Variants in MAST4 observed in about 807,000 individuals in gnomAD.
MAST4 encodes microtubule-associated serine/threonine-protein kinase 4.
MAST4 carries 89 observed loss-of-function variants against 162.7 expected under a neutral mutation model. The observed-to-expected ratio is 0.55, with a 90% CI of 0.46 to 0.65. The LOEUF is 0.65. MAST4 is among the 30% of genes least tolerant of loss of function. The probability of loss-of-function intolerance (pLI) is 0.00; values close to 1 mark genes in which losing one functional copy is unlikely to be tolerated. For missense variants in MAST4, 3,153 were observed against 3,374.0 expected, an observed-to-expected ratio of 0.93 and a Z score of 1.62; for synonymous variants, 1,479 against 1,361.1, an observed-to-expected ratio of 1.09 and a Z score of -1.91.
At chr5:67,019,224 G>A (rs1159561800) in intron 4 of MAST4, among the ~76,000 whole-genome samples, 5 of 152,184 alleles carry the variant, frequency 3.3e-5, no homozygotes, top group South Asian at 2.1e-4. Context: ...TCCAGAGGCC[G>A]CTGTGCTAAT....
At chr5:66,899,498 T>C (rs1762877939) in intron 3 of MAST4, among the ~76,000 whole-genome samples, 1 of 152,200 alleles carries the variant, frequency 6.6e-6, no homozygotes, top group East Asian at 1.9e-4. Flanking sequence ...ATGCATAATG[T>C]TTGCATGAAT....
intron 4 of MAST4, among the ~76,000 whole-genome samples, chr5:67,046,660 C>T (rs1322742191): frequency 9.9e-5 from 15 of 152,106 alleles, no homozygotes; most frequent in Non-Finnish European, 7.4e-5. Flanking sequence ...AGAATTGGGC[C>T]AGATCTCACT....
intron 4 of MAST4, among the ~76,000 whole-genome samples, chr5:66,939,476 G>A (rs761726855): frequency 1.3e-4 from 20 of 151,932 alleles, no homozygotes; most frequent in Non-Finnish European, 2.5e-4. Context: ...AATTTAATTT[G>A]AATTTCACTA....
In MAST4 at chr5:66,597,389, G is replaced by A. The variant is rs985856616; in HGVS notation, c.363+371G>A. ...TCCAAAGTGGGCGTTGTTTCCCACC[G>A]AAGCGCTTGGGCCGAGGGGCAGGGA... On this transcript the variant is annotated intron_variant, in intron 1 of 28. Transcript: ENST00000403625. Among the ~76,000 whole-genome samples, 7 of 152,268 alleles carry A rather than the reference G, an allele frequency of 4.6e-5. No homozygotes were observed. The South Asian group carries it at 8.3e-4, about 18-fold the overall frequency.
chr5:67,166,104 CA>C lies in MAST4; in HGVS notation c.6926del (p.His2309ProfsTer31). On this transcript the variant is annotated frameshift_variant, in exon 29 of 29. Coordinates refer to ENST00000403625, the MANE Select transcript of MAST4 (RefSeq NM_001164664.2). LOFTEE classifies it low-confidence loss of function (END_TRUNC). ...GCCTGTGCATTTGCCAAGGCCGGGA[CA>C]CCCAGGGCCTAGTGAGCCAGCGGAC... ...EKPVHLPRPG[H>X]PGPSEPADQK... 3 of 1,611,298 alleles carry C rather than the reference CA, an allele frequency of 1.9e-6. No homozygotes were observed. The highest frequency in any genetic ancestry group is 2.5e-6 in the Non-Finnish European group (3 of 1,178,660).
rs1182241702 is a variant in MAST4, at chr5:67,166,662, C to T, written c.7483C>T (p.Pro2495Ser). Residue 2495 changes from proline (P) to serine (S), a missense_variant, in exon 29 of 29, where the codon CCA becomes TCA. By Grantham distance (74) the Pro-to-Ser change is moderately conservative. Transcript: ENST00000403625. ...GGCCGCCGGGGGCATGCTGGAGCTTCCAGCCCCCAGCAACAGGGACCATAG... is the reference window on the plus strand; with the variant it reads ...GGCCGCCGGGGGCATGCTGGAGCTTTCAGCCCCCAGCAACAGGGACCATAG... ...AKAAGGMLELPAPSNRDHRKA... is the reference protein window; with the variant it reads ...AKAAGGMLELSAPSNRDHRKA... 1 of 1,597,520 alleles carries T rather than the reference C, an allele frequency of 6.3e-7. No individual in the cohort carries two copies. Among genetic ancestry groups the T allele is most frequent in the Admixed American group, 1.7e-5 (1 of 57,600 alleles).
intron 2 of MAST4, among the ~76,000 whole-genome samples, chr5:66,761,136 G>A (rs1373713096): frequency 1.3e-5 from 2 of 152,016 alleles, no homozygotes; most frequent in Non-Finnish European, 2.9e-5. Context: ...ATCACATTGT[G>A]GGTTTCATTT....
chr5:66,664,322 C>T (rs1747100543), intron 1 of MAST4, among the ~76,000 whole-genome samples: 1 of 150,126 alleles, frequency 6.7e-6, no homozygotes, highest in Admixed American at 6.7e-5. Context: ...GTAATCCCAA[C>T]TATTCATGAG....
At chr5:67,021,035 C>G (rs1428006475) in intron 4 of MAST4, among the ~76,000 whole-genome samples, 2 of 152,230 alleles carry the variant, frequency 1.3e-5, no homozygotes, top group Non-Finnish European at 2.9e-5. Flanking sequence ...CAATCCCTAG[C>G]AAATATAGAG....
At chr5:66,736,117 G>T (rs1037689547) in intron 1 of MAST4, among the ~76,000 whole-genome samples, 7 of 152,090 alleles carry the variant, frequency 4.6e-5, no homozygotes, top group African/African-American at 1.7e-4. Context: ...GCACCATCTT[G>T]TTTGTTTTAA....
intron 4 of MAST4, among the ~76,000 whole-genome samples, chr5:66,946,432 C>A (rs1344632224): frequency 6.6e-6 from 1 of 152,086 alleles, no homozygotes; most frequent in Non-Finnish European, 1.5e-5. Flanking sequence ...TCATTTACCG[C>A]CTCAGGTAAA....
chr5:66,825,633 A>AC (rs1457221651), intron 3 of MAST4, among the ~76,000 whole-genome samples: 1 of 152,144 alleles, frequency 6.6e-6, no homozygotes, highest in African/African-American at 2.4e-5. Flanking sequence ...GTTTCTGTAA[A>AC]CCATTTAATT....
intron 5 of MAST4, among the ~76,000 whole-genome samples, chr5:67,071,524 G>T (rs894709114): frequency 1.3e-5 from 2 of 152,262 alleles, no homozygotes; most frequent in African/African-American, 2.4e-5. Flanking sequence ...AGGCCAAGGG[G>T]GGGGCGGGGT....
In MAST4 at chr5:67,133,720, G is replaced by C. The variant is rs573703276; in HGVS notation, c.2226+74G>C. ...TGCCAGTGAAGTTCAGAATCAACTT[G>C]TGTGGGCCATCTTCACATTAGTGCT... is the stretch of plus-strand genomic sequence containing the variant. On this transcript the variant is annotated intron_variant, in intron 17 of 28. Transcript: ENST00000403625. 9.2e-5 allele frequency: 139 copies of C among 1,515,318 alleles called. No individual in the cohort carries two copies. In the African/African-American group the frequency reaches 1.0e-3, roughly 11 times the overall value. 93.9% of individuals were successfully genotyped at this position (1,515,318 alleles called of 1,614,324 possible). A position where few individuals can be genotyped will look rare whatever the true frequency, so the allele number is the denominator to read the frequency against.
At chr5:66,935,234 C>T (rs1050484201) in intron 4 of MAST4, among the ~76,000 whole-genome samples, 1 of 152,152 alleles carries the variant, frequency 6.6e-6, no homozygotes, top group Non-Finnish European at 1.5e-5. Flanking sequence ...GCAGAGAATA[C>T]AAGTAAAGGT....
At chr5:66,754,804 G>A (rs923086429) in intron 1 of MAST4, among the ~76,000 whole-genome samples, 2 of 152,178 alleles carry the variant, frequency 1.3e-5, no homozygotes, top group South Asian at 2.1e-4. Context: ...AAGGTTGAGC[G>A]TGCTGTTTTA....
chr5:67,028,571 G>C (rs1373883362), intron 4 of MAST4, among the ~76,000 whole-genome samples: 1 of 152,152 alleles, frequency 6.6e-6, no homozygotes, highest in African/African-American at 2.4e-5. Flanking sequence ...CGCTCAGGAA[G>C]TGGATTCTGA....
At chr5:66,732,927 A>AT (rs1277695974) in intron 1 of MAST4, among the ~76,000 whole-genome samples, 1 of 151,942 alleles carries the variant, frequency 6.6e-6, no homozygotes, top group Non-Finnish European at 1.5e-5. Flanking sequence ...TATGAGAATT[A>AT]TTTTTTCTGG....
At chr5:66,937,865 G>T (rs893072591) in intron 4 of MAST4, among the ~76,000 whole-genome samples, 8 of 151,750 alleles carry the variant, frequency 5.3e-5, no homozygotes, top group Admixed American at 6.6e-5. Context: ...TTTCTAAAGT[G>T]TTTTCTTTTC....
Sources: gnomAD v4.1 joint callset for allele counts (sites outside exome capture counted in the v4.1 genomes callset) on GRCh38, gnomAD v4.1.1 for gene constraint, MANE v1.5 for transcripts, NCBI Gene and HGNC (gene_info 2026-07-23, HGNC 2026-07-21) for gene names.